The following ATP9A variants were observed in gnomAD, a reference collection of about 807,000 sequenced individuals.
ATP9A encodes probable phospholipid-transporting ATPase IIA.
ATP9A carries 52 observed loss-of-function variants against 144.1 expected under a neutral mutation model. The observed-to-expected ratio is 0.36, with a 90% CI of 0.29 to 0.45. The LOEUF is 0.45. ATP9A is among the 20% of genes least tolerant of loss of function. The pLI is 1.00. For synonymous variants in ATP9A, 582 were observed against 557.4 expected (o/e 1.04, Z -0.62); for missense variants, 947 against 1,392.7 (o/e 0.68, Z 5.09).
chr20:51,655,534 C>G (rs2077383411), intron 14 of ATP9A, among the ~76,000 whole-genome samples: 1 of 152,164 alleles, frequency 6.6e-6, no homozygotes, highest in South Asian at 2.1e-4. Context: ...AAAAGACGCT[C>G]AACATCAGGG....
intron 9 of ATP9A, among the ~76,000 whole-genome samples, chr20:51,682,600 T>TTTTTTTTTTTTTTTTTG: frequency 7.7e-6 from 1 of 129,924 alleles, no homozygotes; most frequent in Non-Finnish European, 1.6e-5. Flanking sequence ...TTTTTTTTTT[T>TTTTTTTTTTTTTTTTTG]TTTTTTTGAG....
chr20:51,608,043 CA>C (rs11482003), intron 25 of ATP9A, among the ~76,000 whole-genome samples: 5,429 of 116,422 alleles, frequency 0.047, 303 homozygotes, highest in African/African-American at 0.18. Flanking sequence ...GAATTAGTCT[CA>C]AAAAAAAAAA....
chr20:51,672,194 A>G (rs1220110079), intron 11 of ATP9A, among the ~76,000 whole-genome samples: 2 of 152,206 alleles, frequency 1.3e-5, no homozygotes, highest in African/African-American at 4.8e-5. Flanking sequence ...TTTGCTTAGC[A>G]TAACGTTCTC....
At chr20:51,703,908 A>G (rs951926703) in intron 4 of ATP9A, among the ~76,000 whole-genome samples, 2 of 152,144 alleles carry the variant, frequency 1.3e-5, no homozygotes, top group Non-Finnish European at 2.9e-5. Flanking sequence ...TGGTTAATGT[A>G]TTACTCTTTA....
chr20:51,672,976 A>C (rs2077462422), intron 11 of ATP9A, among the ~76,000 whole-genome samples: 1 of 152,190 alleles, frequency 6.6e-6, no homozygotes, highest in Non-Finnish European at 1.5e-5. Context: ...ACTATTAACA[A>C]TGATTATCAC....
At chr20:51,727,169 G>A (rs950603087) in intron 2 of ATP9A, among the ~76,000 whole-genome samples, 1 of 151,614 alleles carries the variant, frequency 6.6e-6, no homozygotes, top group Non-Finnish European at 1.5e-5. Flanking sequence ...AGGCTACTCA[G>A]GAGGTTGAGG....
intron 4 of ATP9A, among the ~76,000 whole-genome samples, chr20:51,703,231 G>A (rs1312309278): frequency 6.6e-6 from 1 of 152,066 alleles, no homozygotes; most frequent in Non-Finnish European, 1.5e-5. Context: ...TGGTCCAGAA[G>A]GGAAGTAAAA....
chr20:51,602,890 T>G (rs1045642761), intron 27 of ATP9A, among the ~76,000 whole-genome samples: 1 of 152,190 alleles, frequency 6.6e-6, no homozygotes, highest in African/African-American at 2.4e-5. Flanking sequence ...ATACATCTCC[T>G]TTATACGTAA....
At chr20:51,690,153 G>A (rs1272162418) in intron 8 of ATP9A, among the ~76,000 whole-genome samples, 2 of 145,816 alleles carry the variant, frequency 1.4e-5, no homozygotes, top group African/African-American at 5.1e-5. Flanking sequence ...AGGCTCAGTG[G>A]CTCATGCCTG....
At chr20:51,608,898 T>C (rs2077174136) in intron 24 of ATP9A, among the ~76,000 whole-genome samples, 2 of 143,778 alleles carry the variant, frequency 1.4e-5, no homozygotes, top group African/African-American at 5.2e-5. Flanking sequence ...AAGAGAAAAA[T>C]ATAATGGGGT....
chr20:51,745,089 C>T (rs937255316), intron 1 of ATP9A, among the ~76,000 whole-genome samples: 2 of 152,078 alleles, frequency 1.3e-5, no homozygotes, highest in Non-Finnish European at 2.9e-5. Context: ...TTCTGGCCAA[C>T]ATGGTGAAAC....
chr20:51,763,193 G>A (rs78721504), intron 1 of ATP9A, among the ~76,000 whole-genome samples: 4,419 of 152,182 alleles, frequency 0.029, 70 homozygotes, highest in East Asian at 0.062. Flanking sequence ...CAAGGGCAGG[G>A]ATGAATTGCA....
chr20:51,731,076 C>A (rs1045142722), intron 1 of ATP9A, among the ~76,000 whole-genome samples: 2 of 151,904 alleles, frequency 1.3e-5, no homozygotes, highest in African/African-American at 4.8e-5. Flanking sequence ...GAGGCCGAGG[C>A]AGGCGGATCA....
chr20:51,752,312 G>A (rs1332864994), intron 1 of ATP9A, among the ~76,000 whole-genome samples: 1 of 152,178 alleles, frequency 6.6e-6, no homozygotes, highest in Non-Finnish European at 1.5e-5. Flanking sequence ...ACCTAAGACA[G>A]TGATGCTGGC....
intron 1 of ATP9A, among the ~76,000 whole-genome samples, chr20:51,766,316 G>A (rs929517889): frequency 6.6e-6 from 1 of 152,164 alleles, no homozygotes; most frequent in Non-Finnish European, 1.5e-5. Context: ...TGAACAGCCA[G>A]GGTCAGGACA....
chr20:51,657,144 G>A lies in ATP9A; in HGVS notation c.1300C>T (p.Gln434Ter). Reference protein sequence around the residue: ...HIFSIYTQQSQDPPAQKGPTL... With the variant: ...HIFSIYTQQS Reference sequence around the variant, plus strand: ...GGGCCCTTCTGAGCCGGTGGGTCCTGGGATTGCTACAGGAAGGAGAAATGA... The same window carrying A: ...GGGCCCTTCTGAGCCGGTGGGTCCTAGGATTGCTACAGGAAGGAGAAATGA... Residue 434 changes from glutamine to a stop codon, truncating the protein, a stop_gained, in exon 14 of 28, where the codon CAG (glutamine) becomes TAG (stop). Coordinates refer to ENST00000338821, the MANE Select transcript of ATP9A (RefSeq NM_006045.3). LOFTEE classifies it high-confidence loss of function. 1.2e-6 allele frequency: 2 copies of A among 1,613,284 alleles called. No individual in the cohort carries two copies. The highest frequency in any genetic ancestry group is 8.5e-7 in the Non-Finnish European group (1 of 1,179,346).
intron 14 of ATP9A, among the ~76,000 whole-genome samples, chr20:51,656,370 G>T (rs1490248669): frequency 1.3e-5 from 2 of 152,124 alleles, no homozygotes; most frequent in Non-Finnish European, 2.9e-5. Context: ...TGGCCAACAT[G>T]GTGAAACCCC....
At chr20:51,738,663 T>A (rs1178977140) in intron 1 of ATP9A, among the ~76,000 whole-genome samples, 2 of 151,380 alleles carry the variant, frequency 1.3e-5, no homozygotes, top group African/African-American at 4.9e-5. Context: ...TGAGCAGAGA[T>A]CACACCACTG....
At chr20:51,613,291 C>A (rs1437429886) in intron 23 of ATP9A, among the ~76,000 whole-genome samples, 1 of 152,202 alleles carries the variant, frequency 6.6e-6, no homozygotes, top group Non-Finnish European at 1.5e-5. Context: ...GCGTCTTTCA[C>A]TCCAGCAAAC....
Sources: allele counts gnomAD v4.1 joint callset (sites outside exome capture counted in the v4.1 genomes callset), GRCh38; gene constraint gnomAD v4.1.1; transcripts MANE v1.5; gene names NCBI Gene and HGNC (gene_info 2026-07-23, HGNC 2026-07-21).